The following METTL15 variants were observed in gnomAD, a reference collection of about 807,000 sequenced individuals.
The protein encoded by METTL15 is 12S rRNA N(4)-cytidine methyltransferase METTL15.
METTL15 carries 34 observed loss-of-function variants against 38.3 expected under a neutral mutation model. That is an observed-to-expected ratio of 0.89 (90% CI 0.68 to 1.18). METTL15 has a LOEUF of 1.18. METTL15 is among the 50% of genes most tolerant of loss of function. The probability of loss-of-function intolerance (pLI) is 0.00; values close to 1 mark genes in which losing one functional copy is unlikely to be tolerated. For synonymous variants in METTL15, 162 were observed against 170.9 expected (o/e 0.95, Z 0.41); for missense variants, 438 against 498.4 (o/e 0.88, Z 1.15).
chr11:28,368,138 A>AC (rs1850205660), intron 5 of METTL15, among the ~76,000 whole-genome samples: 1 of 143,658 alleles, frequency 7.0e-6, no homozygotes, highest in Non-Finnish European at 1.5e-5. Flanking sequence ...CAAAAAAAAA[A>AC]AAAACAAAAA....
chr11:28,304,731 A>C (rs1254023850), intron 6 of METTL15, among the ~76,000 whole-genome samples: 1 of 152,150 alleles, frequency 6.6e-6, no homozygotes, highest in Non-Finnish European at 1.5e-5. Context: ...TAATAAAATA[A>C]AATAATAAAA....
chr11:28,510,000 A>G (rs1000083884), intron 6 of METTL15, among the ~76,000 whole-genome samples: 1 of 152,034 alleles, frequency 6.6e-6, no homozygotes, highest in Non-Finnish European at 1.5e-5. Context: ...CCCACATTCA[A>G]TTTGCTTAAG....
Position 28,296,723 on chromosome 11 carries a change from A to G in METTL15, c.600-30A>G, listed in dbSNP as rs749638534. 9 of 1,609,516 alleles carry G rather than the reference A, an allele frequency of 5.6e-6. No homozygotes were observed. The Admixed American group carries it at 6.7e-5, about 12-fold the overall frequency. On this transcript the variant is annotated intron_variant, in intron 5 of 6. Transcript: ENST00000407364. Reference sequence around the variant, plus strand: ...CGTCTTGTCAATGAGAACTGATGTCAGTGAACTAATTGGCTCTTCTTGTGC... The same window carrying G: ...CGTCTTGTCAATGAGAACTGATGTCGGTGAACTAATTGGCTCTTCTTGTGC...
intron 4 of METTL15, among the ~76,000 whole-genome samples, chr11:28,256,252 T>G (rs995467766): frequency 1.3e-5 from 2 of 152,240 alleles, no homozygotes. Flanking sequence ...TTTCTTAGAA[T>G]AGTTTGAGTA....
intron 5 of METTL15, among the ~76,000 whole-genome samples, chr11:28,374,838 C>G (rs1370611455): frequency 6.7e-6 from 1 of 150,340 alleles, no homozygotes; most frequent in Non-Finnish European, 1.5e-5. Context: ...GAAATACGTC[C>G]CATCAATACC....
intron 6 of METTL15, among the ~76,000 whole-genome samples, chr11:28,504,248 A>C (rs1199535185): frequency 6.6e-6 from 1 of 151,744 alleles, no homozygotes; most frequent in Non-Finnish European, 1.5e-5. Flanking sequence ...AAAATTGCAT[A>C]CTTAAATGTT....
At chr11:28,252,122 A>G (rs1052521951) in intron 4 of METTL15, among the ~76,000 whole-genome samples, 1 of 152,196 alleles carries the variant, frequency 6.6e-6, no homozygotes, top group African/African-American at 2.4e-5. Context: ...ATGTGAAGGT[A>G]TATTAGTGAA....
At chr11:28,207,342 C>T (rs1385218771) in intron 3 of METTL15, among the ~76,000 whole-genome samples, 3 of 152,116 alleles carry the variant, frequency 2.0e-5, no homozygotes, top group Non-Finnish European at 4.4e-5. Flanking sequence ...TTGTCAAAGG[C>T]CTTTTCTGCA....
chr11:28,184,984 C>A (rs1356158691), intron 3 of METTL15, among the ~76,000 whole-genome samples: 1 of 151,226 alleles, frequency 6.6e-6, no homozygotes, highest in East Asian at 1.9e-4. Context: ...AATTATGAGT[C>A]CCACCTAATC....
At chr11:28,278,725 G>A (rs933341343) in intron 4 of METTL15, among the ~76,000 whole-genome samples, 3 of 152,052 alleles carry the variant, frequency 2.0e-5, no homozygotes, top group Admixed American at 6.5e-5. Flanking sequence ...GGATGTCAAC[G>A]TGATAATATC....
chr11:28,437,698 T>G (rs1850995240), intron 6 of METTL15, among the ~76,000 whole-genome samples: 2 of 152,248 alleles, frequency 1.3e-5, no homozygotes. Context: ...ATTTTGTACT[T>G]GTTCGTTTTA....
At chr11:28,426,780 GTTGT>G (rs1395139939) in intron 6 of METTL15, among the ~76,000 whole-genome samples, 5 of 151,042 alleles carry the variant, frequency 3.3e-5, no homozygotes, top group African/African-American at 9.7e-5. Flanking sequence ...TTTTAATGGT[GTTGT>G]TTATTTTTTT....
intron 4 of METTL15, among the ~76,000 whole-genome samples, chr11:28,220,096 G>T (rs1853122625): frequency 6.6e-6 from 1 of 152,178 alleles, no homozygotes; most frequent in South Asian, 2.1e-4. Context: ...GCAGAGCTGA[G>T]TTCAATTCCT....
chr11:28,487,746 C>T (rs528500358), intron 6 of METTL15, among the ~76,000 whole-genome samples: 9 of 152,262 alleles, frequency 5.9e-5, no homozygotes, highest in African/African-American at 2.2e-4. Context: ...CCATCTACCT[C>T]TGTCTTAGCT....
chr11:28,422,640 T>A (rs1850830228), intron 5 of METTL15, among the ~76,000 whole-genome samples: 1 of 152,012 alleles, frequency 6.6e-6, no homozygotes, highest in Admixed American at 6.6e-5. Context: ...ACTGGATATT[T>A]ATATGCAGAA....
At chr11:28,423,011 CAAT>C (rs542486062) in intron 5 of METTL15, among the ~76,000 whole-genome samples, 4 of 151,294 alleles carry the variant, frequency 2.6e-5, no homozygotes, top group African/African-American at 9.7e-5. Flanking sequence ...GGAAAAAAAA[CAAT>C]AATCCAATTT....
chr11:28,183,574 A>G (rs1851376971), intron 3 of METTL15, among the ~76,000 whole-genome samples: 1 of 152,090 alleles, frequency 6.6e-6, no homozygotes, highest in African/African-American at 2.4e-5. Flanking sequence ...TATTTTACAT[A>G]TGTTGAACTA....
At chr11:28,317,635 T>C (rs998885870) in intron 6 of METTL15, among the ~76,000 whole-genome samples, 2 of 152,164 alleles carry the variant, frequency 1.3e-5, no homozygotes, top group African/African-American at 2.4e-5. Context: ...GAACTAAAAA[T>C]TGCAATTTCT....
intron 6 of METTL15, among the ~76,000 whole-genome samples, chr11:28,495,810 G>A (rs187947476): frequency 1.5e-3 from 233 of 151,850 alleles, no homozygotes; most frequent in Non-Finnish European, 2.5e-3. Flanking sequence ...CAAAATCCAG[G>A]CCTAAAGAAG....
Sources: gnomAD v4.1 joint callset for allele counts (sites outside exome capture counted in the v4.1 genomes callset) on GRCh38, gnomAD v4.1.1 for gene constraint, MANE v1.5 for transcripts, NCBI Gene and HGNC (gene_info 2026-07-23, HGNC 2026-07-21) for gene names.